The following HDAC2 variants were observed in gnomAD, a reference collection of about 807,000 sequenced individuals.
The protein encoded by HDAC2 is YY1-associated factor 1.
A neutral mutation model predicts 68.5 loss-of-function variants in HDAC2; 5 were observed. The ratio of observed to expected loss-of-function variants is 0.07; its 90% CI spans 0.04 to 0.15. HDAC2 has a LOEUF of 0.15. HDAC2 is among the 10% of genes least tolerant of loss of function. HDAC2 has a pLI of 1.00. For missense variants in HDAC2, 291 were observed against 600.8 expected (o/e 0.48, Z 5.39); for synonymous variants, 182 against 191.3 (o/e 0.95, Z 0.40).
intron 12 of HDAC2, among the ~76,000 whole-genome samples, chr6:113,942,441 A>AG (rs998824945): frequency 2.6e-5 from 4 of 151,844 alleles, no homozygotes; most frequent in African/African-American, 9.7e-5. Context: ...TTAAAAAAAA[A>AG]AAAAAAAGCT....
chr6:113,943,273 C>A, intron 12 of HDAC2, 78 bp downstream of exon 12: 1 of 1,178,346 alleles, frequency 8.5e-7, no homozygotes, highest in Non-Finnish European at 1.2e-6. Flanking sequence ...ACTGACTTCT[C>A]GATAGCATAA....
chr6:113,953,227 A>G (rs909126901), intron 6 of HDAC2, 50 bp downstream of exon 6: 2 of 1,359,108 alleles, frequency 1.5e-6, no homozygotes, highest in African/African-American at 1.4e-5. Flanking sequence ...AGGATTACTG[A>G]TCTCCTAGGT....
chr6:113,941,701 C>T lies in HDAC2; in HGVS notation c.1436+7G>A. 1 of 1,292,592 alleles carries T rather than the reference C, an allele frequency of 7.7e-7. No homozygotes were observed. Among genetic ancestry groups the T allele is most frequent in the Non-Finnish European group, 1.1e-6 (1 of 920,698 alleles). The allele number at this position is 1,292,592 out of a possible 1,614,324, so 80.1% of individuals were successfully genotyped here. ...GTAAAAAGTACTTGATAAGGAACAT[C>T]ATTTACCCTTTGGTATCTGTTTTTT... On this transcript the variant is annotated splice_region_variant and intron_variant, in intron 13 of 13. Transcript: ENST00000519065.
chr6:113,948,878 A>G, intron 8 of HDAC2, 101 bp downstream of exon 8: 1 of 1,338,228 alleles, frequency 7.5e-7, no homozygotes, highest in Non-Finnish European at 1.0e-6. Context: ...GTACAGTGTT[A>G]AAACAGCAGG....
At chr6:113,941,246 T>C (rs1042201887) in intron 13 of HDAC2, among the ~76,000 whole-genome samples, 158 bp from the exon 14 acceptor site, 1 of 152,122 alleles carries the variant, frequency 6.6e-6, no homozygotes, top group African/African-American at 2.4e-5. Context: ...TTAATTTTTC[T>C]AGTGATTTAA....
At chr6:113,968,560 G>A (rs1187525152) in intron 1 of HDAC2, 1 of 152,122 alleles carries the variant, frequency 6.6e-6, no homozygotes, top group African/African-American at 2.4e-5. Context: ...AAAATTAAAA[G>A]AGTATGTGAA....
At chr6:113,956,417 G>A (rs1213308593) in intron 4 of HDAC2, 1 of 574,094 alleles carries the variant, frequency 1.7e-6, no homozygotes, top group East Asian at 2.8e-5. Context: ...AAGTCTCCAA[G>A]TGAAAATAAG....
rs1365036593 is a variant in HDAC2, at chr6:113,958,725, G to A, written c.207C>T (p.His69=). 6.2e-7 allele frequency: 1 copy of A among 1,609,886 alleles called. No individual in the cohort carries two copies. Residue 69 remains histidine, a synonymous_variant, in exon 3 of 14, where the codon CAC becomes CAT. Transcript: ENST00000519065. ...GTAGAAATTTGATATACTCATCACT[G>A]TGATATTTTGTCATTTCTTCGGCAG... ...KATAEEMTKY[H]SDEYIKFLRS...
Position 113,958,746 on chromosome 6 carries a change from G to C in HDAC2, c.186C>G (p.Ala62=). 2 of 1,605,488 alleles carry C rather than the reference G, an allele frequency of 1.2e-6. No individual in the cohort carries two copies. Among genetic ancestry groups the C allele is most frequent in the Non-Finnish European group, 1.7e-6 (2 of 1,173,232 alleles). ...MEIYRPHKAT[A]EEMTKYHSDE... ...CACTGTGATATTTTGTCATTTCTTC[G>C]GCAGTGGCTTTATGGGGCCTCTGTG... Residue 62 remains alanine, a synonymous_variant, in exon 3 of 14, where the codon GCC becomes GCG. Transcript: ENST00000519065.
rs1776064142 is a variant in HDAC2, at chr6:113,938,896, T to C, written c.*2162A>G. The C allele has an allele frequency of 6.6e-6, 1 of 152,192 alleles. No individual in the cohort carries two copies. Among genetic ancestry groups the C allele is most frequent in the Admixed American group, 6.5e-5 (1 of 15,284 alleles). The allele number at this position is 152,192 out of a possible 1,614,324, so 9.4% of individuals were successfully genotyped here. On this transcript the variant is annotated 3_prime_UTR_variant, in exon 14 of 14. Coordinates refer to ENST00000519065, the MANE Select transcript of HDAC2 (RefSeq NM_001527.4). The stretch of plus-strand genomic sequence containing the variant: ...TAGTTCTCTTGAGGTTTTAGTTGTA[T>C]ATAACCAACTACTTAGAAAAACAAA...
intron 2 of HDAC2, 60 bp downstream of exon 2, chr6:113,959,846 C>T: frequency 1.3e-6 from 1 of 746,680 alleles, no homozygotes; most frequent in Non-Finnish European, 2.3e-6. Context: ...CAAAGTTTCA[C>T]AGTAGCTAAA....
At position 113,971,142 on chromosome 6, in the gene HDAC2, G is replaced by C. The variant is rs1462133854; in HGVS notation, c.-234C>G. 6.5e-6 allele frequency: 10 copies of C among 1,539,772 alleles called. No homozygotes were observed. The East Asian group carries it at 2.2e-4, about 34-fold the overall frequency. ...AGGTGGCAGCGGCACCAACTCGCGA[G>C]GAGGGGGCCACCAAACCACCTCAGG... On this transcript the variant is annotated 5_prime_UTR_variant, in exon 1 of 14. Coordinates refer to ENST00000519065, the MANE Select transcript of HDAC2 (RefSeq NM_001527.4).
chr6:113,958,848 A>T, intron 2 of HDAC2, 82 bp from the exon 3 acceptor site: 1 of 837,192 alleles, frequency 1.2e-6, no homozygotes, highest in Admixed American at 2.1e-5. Flanking sequence ...AAATTCCCCT[A>T]TCGGTCCCCT....
chr6:113,943,360 T>G lies in HDAC2; in HGVS notation c.1369A>C (p.Lys457Gln). ...AAGAAACAAATCTGACCTGTTTTTT[T>G]GTCCTCTGTTTCTTTCTTATCTTCT... ...IEEDKKETED[K>Q]KTDVKEEDKS... Residue 457 changes from lysine to glutamine, a missense_variant, in exon 12 of 14, where the codon AAA (lysine) becomes CAA (glutamine). Lys to Gln is a moderately conservative substitution (Grantham distance 53). Around this residue, in one of 2 missense-constraint regions of HDAC2, gnomAD observed 137 missense variants for 128.7 expected, o/e 1.06. Transcript: ENST00000519065. 6.3e-7 allele frequency: 1 copy of G among 1,596,052 alleles called. No individual in the cohort carries two copies. Among genetic ancestry groups the G allele is most frequent in the South Asian group, 1.1e-5 (1 of 87,036 alleles).
rs1775996617 is a variant in HDAC2, at chr6:113,936,336, C to A, written c.*4722G>T. On this transcript the variant is annotated 3_prime_UTR_variant, in exon 14 of 14. Transcript: ENST00000519065. ...GTGAGGAAATGCAGCAATTGAGAAG[C>A]TTCTAAATGCTGTAATCCTAAACAT... 1 of 152,122 alleles carries A rather than the reference C, an allele frequency of 6.6e-6. No individual in the cohort carries two copies. Among genetic ancestry groups the A allele is most frequent in the African/African-American group, 2.4e-5 (1 of 41,416 alleles). The allele number at this position is 152,122 out of a possible 1,614,324, so 9.4% of individuals were successfully genotyped here.
At chr6:113,964,509 A>G (rs761595797) in intron 1 of HDAC2, among the ~76,000 whole-genome samples, 4 of 152,112 alleles carry the variant, frequency 2.6e-5, no homozygotes, top group African/African-American at 4.8e-5. Context: ...TCATTTAATA[A>G]ATCAAGAGCC....
At position 113,944,958 on chromosome 6, in the gene HDAC2, C is replaced by G. The variant is rs369998192; in HGVS notation, c.1091+404G>C. The stretch of plus-strand genomic sequence containing the variant: ...TTTGCTTGTGGAGACAAAGCCTTAA[C>G]AAAATGTTCCAGACAATGAAAATAA... On this transcript the variant is annotated intron_variant, in intron 10 of 13. Transcript: ENST00000519065. Among the ~76,000 whole-genome samples the G allele has an allele frequency of 8.5e-5, 13 of 152,198 alleles. No individual in the cohort carries two copies. The South Asian group carries it at 2.5e-3, about 29-fold the overall frequency.
At chr6:113,957,646 A>G (rs1004053435) in intron 3 of HDAC2, among the ~76,000 whole-genome samples, 1 of 151,882 alleles carries the variant, frequency 6.6e-6, no homozygotes, top group Non-Finnish European at 1.5e-5. Context: ...CACCACACCC[A>G]GCTAATTTTC....
intron 1 of HDAC2, among the ~76,000 whole-genome samples, chr6:113,967,380 C>T (rs1776849579): frequency 6.6e-6 from 1 of 152,200 alleles, no homozygotes; most frequent in African/African-American, 2.4e-5. Context: ...TTGCCTGCCT[C>T]AGTCTCCCAA....
Sources: allele counts gnomAD v4.1 joint callset (sites outside exome capture counted in the v4.1 genomes callset), GRCh38; gene constraint gnomAD v4.1.1; regional missense constraint gnomAD v4.1.1; transcripts MANE v1.5; gene names NCBI Gene and HGNC (gene_info 2026-07-23, HGNC 2026-07-21).